DOCK1: variants seen among roughly 807,000 people sequenced by gnomAD.
The protein encoded by DOCK1 is dedicator of cytokinesis protein 1.
A neutral mutation model predicts 262.7 loss-of-function variants in DOCK1; 138 were observed. The ratio of observed to expected loss-of-function variants is 0.53; its 90% CI spans 0.46 to 0.61. DOCK1 has a LOEUF of 0.61. Among genes scored for constraint, DOCK1 ranks in the 20% least tolerant of loss-of-function variants. The probability of loss-of-function intolerance (pLI) is 0.00; values close to 1 mark genes in which losing one functional copy is unlikely to be tolerated. For missense variants in DOCK1, 1,908 were observed against 2,370.7 expected (o/e 0.80, Z 4.05); for synonymous variants, 866 against 867.4 (o/e 1.00, Z 0.03).
chr10:127,371,107 G>A lies in DOCK1; in HGVS notation c.3433-2674G>A, dbSNP rs1051244905. Among the ~76,000 whole-genome samples the A allele has an allele frequency of 2.2e-4, 34 of 152,204 alleles. 1 individual carries two copies. The highest frequency in any genetic ancestry group is 4.1e-4 in the South Asian group (2 of 4,834). On this transcript the variant is annotated intron_variant, in intron 33 of 51. Transcript: ENST00000623213. The stretch of plus-strand genomic sequence containing the variant: ...AACCAGCTCTGCTCTATCAGCAAAT[G>A]TACTATCTCCAATTTAGTGGGACAG...
At chr10:127,212,210 G>A (rs544409279) in intron 27 of DOCK1, among the ~76,000 whole-genome samples, 10 of 152,098 alleles carry the variant, frequency 6.6e-5, no homozygotes, top group South Asian at 4.1e-4. Flanking sequence ...GCGGCTTTCC[G>A]TGATGTGTCT....
chr10:127,428,341 T>C (rs925220336), intron 47 of DOCK1, among the ~76,000 whole-genome samples: 3 of 150,944 alleles, frequency 2.0e-5, no homozygotes, highest in African/African-American at 4.8e-5. Flanking sequence ...GTGTGCTTGC[T>C]TTGGGCACAG....
rs1038115247 is a variant in DOCK1, at chr10:127,437,764, C to T, written c.5061-1263C>T. Among the ~76,000 whole-genome samples, 4 of 152,198 alleles carry T rather than the reference C, an allele frequency of 2.6e-5. No individual in the cohort carries two copies. The highest frequency in any genetic ancestry group is 7.2e-5 in the African/African-American group (3 of 41,452). ...CAAGTGCTAGGATTATAGGCATGAG[C>T]CACCATGCCCGGCCCTGCAATGGCC... On this transcript the variant is annotated intron_variant, in intron 48 of 51. Coordinates refer to ENST00000623213, the MANE Select transcript of DOCK1 (RefSeq NM_001290223.2). The surrounding 1 kb of genome is among the most constrained non-coding windows in gnomAD (Gnocchi z 4.4).
At chr10:127,092,737 T>G (rs1005759650) in intron 23 of DOCK1, among the ~76,000 whole-genome samples, 2 of 152,020 alleles carry the variant, frequency 1.3e-5, no homozygotes, top group African/African-American at 4.8e-5. Flanking sequence ...CCTGCCTCAG[T>G]CTCCCAAGGT....
intron 1 of DOCK1, among the ~76,000 whole-genome samples, chr10:126,967,345 A>G (rs1357993007): frequency 2.0e-5 from 3 of 152,154 alleles, no homozygotes; most frequent in Non-Finnish European, 2.9e-5. Flanking sequence ...ATTTAAAAAA[A>G]TTCCCTACAT....
At chr10:127,289,959 T>A (rs536547006) in intron 29 of DOCK1, among the ~76,000 whole-genome samples, 2 of 152,256 alleles carry the variant, frequency 1.3e-5, no homozygotes, top group African/African-American at 4.8e-5. Context: ...ACTTTTGTAT[T>A]TCTTTCTTCT....
chr10:127,296,990 T>C (rs777368639), intron 29 of DOCK1, among the ~76,000 whole-genome samples: 1 of 152,162 alleles, frequency 6.6e-6, no homozygotes, highest in Non-Finnish European at 1.5e-5. Flanking sequence ...TGTGGCCTCA[T>C]GTGAGCTTGG....
At chr10:127,026,097 A>G (rs2042839095) in intron 15 of DOCK1, 1 of 453,692 alleles carries the variant, frequency 2.2e-6, no homozygotes, top group Admixed American at 4.2e-5. Context: ...TCTTAACAGT[A>G]ATGGTCAGAG....
At chr10:127,362,468 T>C (rs561318945) in intron 33 of DOCK1, among the ~76,000 whole-genome samples, 2 of 152,334 alleles carry the variant, frequency 1.3e-5, no homozygotes, top group African/African-American at 2.4e-5. Context: ...TACTTACACA[T>C]TGCACCCTGG....
intron 20 of DOCK1, 81 bp downstream of exon 20, chr10:127,042,795 T>G: frequency 7.1e-7 from 1 of 1,414,120 alleles, no homozygotes; most frequent in East Asian, 2.3e-5. Flanking sequence ...AGTCGGGGGC[T>G]TCGTCACAGT....
In DOCK1 at chr10:126,995,662, A is replaced by C. The variant is rs1565042991; in HGVS notation, c.474-1086A>C. Among the ~76,000 whole-genome samples, 1 of 95,226 alleles carries C rather than the reference A, an allele frequency of 1.1e-5. No individual in the cohort carries two copies. The highest frequency in any genetic ancestry group is 2.8e-5 in the African/African-American group (1 of 36,356). 62.5% of individuals were successfully genotyped at this position (95,226 alleles called of 152,430 possible). On this transcript the variant is annotated intron_variant, in intron 6 of 51. Coordinates refer to ENST00000623213, the MANE Select transcript of DOCK1 (RefSeq NM_001290223.2). This position sits in a 1 kb window ranked among gnomAD's most constrained non-coding sequence, Gnocchi z 5.8. ...AGGGAGAGGGAGACCGTGGAGAGGG[A>C]GAGGGAGACCGTGGAGAGGGAGAGG...
At chr10:127,386,966 G>A (rs1185121746) in intron 38 of DOCK1, among the ~76,000 whole-genome samples, 1 of 152,208 alleles carries the variant, frequency 6.6e-6, no homozygotes, top group Non-Finnish European at 1.5e-5. Flanking sequence ...TAAAGAAATG[G>A]AGCAAATGCA....
chr10:126,987,012 A>G (rs2039450217), intron 4 of DOCK1, among the ~76,000 whole-genome samples: 1 of 152,218 alleles, frequency 6.6e-6, no homozygotes, highest in Admixed American at 6.5e-5. Flanking sequence ...TAGAGTAACC[A>G]TGGACATTTG....
chr10:126,929,852 A>G (rs2034052215), intron 1 of DOCK1, among the ~76,000 whole-genome samples: 3 of 152,198 alleles, frequency 2.0e-5, no homozygotes. Context: ...GTTAACAAGA[A>G]CAATTCAGTG....
intron 27 of DOCK1, among the ~76,000 whole-genome samples, chr10:127,220,718 G>A (rs746223440): frequency 6.6e-6 from 1 of 152,056 alleles, no homozygotes; most frequent in Non-Finnish European, 1.5e-5. Context: ...AGAATTACAA[G>A]CAAAGATGGG....
At chr10:126,978,171 A>G (rs950555176) in intron 3 of DOCK1, among the ~76,000 whole-genome samples, 183 bp downstream of exon 3, 1 of 152,220 alleles carries the variant, frequency 6.6e-6, no homozygotes, top group South Asian at 2.1e-4. Flanking sequence ...ATATGTGTAC[A>G]TAGAAATTGT....
intron 23 of DOCK1, among the ~76,000 whole-genome samples, chr10:127,088,216 G>A (rs557098509): frequency 6.6e-6 from 1 of 152,294 alleles, no homozygotes; most frequent in Admixed American, 6.5e-5. Context: ...TAAATTGGAT[G>A]TGCATGCTTT....
Position 127,008,470 on chromosome 10 carries a change from G to A in DOCK1, c.986-262G>A, listed in dbSNP as rs181883855. Among the ~76,000 whole-genome samples, 3 of 152,280 alleles carry A rather than the reference G, an allele frequency of 2.0e-5. No homozygotes were observed. In the East Asian group the frequency reaches 5.8e-4, roughly 29 times the overall value. On this transcript the variant is annotated intron_variant, in intron 10 of 51. Transcript: ENST00000623213. ...CATTACAGAAAGTTCTATTGGACAG[G>A]GCAGCTCTAGGGTGACAGTTGGGTA...
chr10:126,959,687 G>T (rs1352564699), intron 1 of DOCK1, among the ~76,000 whole-genome samples: 1 of 152,210 alleles, frequency 6.6e-6, no homozygotes, highest in Non-Finnish European at 1.5e-5. Flanking sequence ...AGGATCGTTA[G>T]CACCATTTGT....
Sources: gnomAD v4.1 joint callset for allele counts (sites outside exome capture counted in the v4.1 genomes callset) on GRCh38, gnomAD v4.1.1 for gene constraint, Gnocchi (gnomAD v3.1) non-coding constraint, MANE v1.5 for transcripts, NCBI Gene and HGNC (gene_info 2026-07-23, HGNC 2026-07-21) for gene names.